SHROOM3: variants seen among roughly 807,000 people sequenced by gnomAD.
SHROOM3 encodes the protein protein Shroom3.
In SHROOM3, 47 loss-of-function variants were observed where a neutral mutation model predicts 138.6. The observed-to-expected ratio is 0.34, with a 90% confidence interval of 0.27 to 0.43. The LOEUF is 0.43. Among genes scored for constraint, SHROOM3 ranks in the 20% least tolerant of loss-of-function variants. SHROOM3 has a pLI of 1.00. For missense variants in SHROOM3, 2,491 were observed against 2,596.5 expected, an observed-to-expected ratio of 0.96 and a Z score of 0.88; for synonymous variants, 1,062 against 1,063.3, an observed-to-expected ratio of 1.00 and a Z score of 0.02.
intron 10 of SHROOM3, among the ~76,000 whole-genome samples, chr4:76,775,742 T>G (rs1019818179): frequency 2.7e-5 from 4 of 145,700 alleles, no homozygotes; most frequent in Non-Finnish European, 5.9e-5. Context: ...ATACACATAC[T>G]ATATATATAC....
intron 1 of SHROOM3, among the ~76,000 whole-genome samples, chr4:76,465,128 T>C (rs1272201754): frequency 1.3e-5 from 2 of 152,254 alleles, no homozygotes; most frequent in Non-Finnish European, 2.9e-5. Flanking sequence ...ACTTGAATCA[T>C]ATTAGCAAGT....
Position 76,756,844 on chromosome 4 carries a change from T to G in SHROOM3, c.5105T>G (p.Leu1702Trp). 6.2e-7 allele frequency: 1 copy of G among 1,614,160 alleles called. No individual in the cohort carries two copies. Among genetic ancestry groups the G allele is most frequent in the Non-Finnish European group, 8.5e-7 (1 of 1,180,030 alleles). ...ACAACAATGGACCTGATGGAAGGTTTGTTTCCCCGAGATGTGAACTTGCTG... is the reference window on the plus strand; with the variant it reads ...ACAACAATGGACCTGATGGAAGGTTGGTTTCCCCGAGATGTGAACTTGCTG... ...LKTTMDLMEG[L>W]FPRDVNLLKE... is the part of the protein sequence containing the mutation. Residue 1702 changes from leucine to tryptophan, a missense_variant, in exon 8 of 11, where the codon TTG (leucine) becomes TGG (tryptophan). By Grantham distance (61) the Leu-to-Trp change is moderately conservative. Around this residue, in one of 4 missense-constraint regions of SHROOM3, gnomAD observed 470 missense variants for 595.0 expected, o/e 0.79. Coordinates refer to ENST00000296043, the MANE Select transcript of SHROOM3 (RefSeq NM_020859.4).
chr4:76,761,784 T>C (rs1267154154), intron 9 of SHROOM3, among the ~76,000 whole-genome samples: 1 of 152,086 alleles, frequency 6.6e-6, no homozygotes, highest in Admixed American at 6.5e-5. Context: ...GGAGTGCCTT[T>C]TGGGGGAGTC....
intron 1 of SHROOM3, among the ~76,000 whole-genome samples, chr4:76,478,648 T>C (rs562938608): frequency 6.6e-6 from 1 of 152,264 alleles, no homozygotes; most frequent in East Asian, 1.9e-4. Context: ...GACTGCCTCC[T>C]CAAGTGGGTT....
At chr4:76,532,506 G>T (rs34816044) in intron 1 of SHROOM3, among the ~76,000 whole-genome samples, 18,602 of 152,102 alleles carry the variant, frequency 0.12, 1,639 homozygotes, top group African/African-American at 0.25. Context: ...GACCCCCATT[G>T]GGTGCCAGAA....
intron 6 of SHROOM3, among the ~76,000 whole-genome samples, chr4:76,751,476 A>G (rs1254458467): frequency 6.6e-6 from 1 of 152,232 alleles, no homozygotes; most frequent in Non-Finnish European, 1.5e-5. Context: ...TGATGCCTTC[A>G]TGGGTCACAA....
At chr4:76,608,473 C>G (rs763799785) in intron 2 of SHROOM3, among the ~76,000 whole-genome samples, 1 of 151,764 alleles carries the variant, frequency 6.6e-6, no homozygotes, top group Non-Finnish European at 1.5e-5. Flanking sequence ...AGTCCATTGG[C>G]CTGGTCATTA....
chr4:76,558,246 A>G (rs903379515), intron 2 of SHROOM3, among the ~76,000 whole-genome samples: 1 of 152,188 alleles, frequency 6.6e-6, no homozygotes, highest in Non-Finnish European at 1.5e-5. Flanking sequence ...TTGGAAACAG[A>G]CAGATATGGG....
At chr4:76,576,332 A>T (rs571648293) in intron 2 of SHROOM3, among the ~76,000 whole-genome samples, 18 of 152,338 alleles carry the variant, frequency 1.2e-4, no homozygotes, top group African/African-American at 4.1e-4. Flanking sequence ...AAAAAATGAG[A>T]TCCTGCCATT....
intron 2 of SHROOM3, among the ~76,000 whole-genome samples, chr4:76,697,675 G>A (rs1232981351): frequency 2.0e-5 from 3 of 152,118 alleles, no homozygotes; most frequent in Admixed American, 6.6e-5. Flanking sequence ...CATTTCAGAG[G>A]GTTGCTGTAA....
rs1722723585 is a variant in SHROOM3 at position 76,781,084 on chromosome 4, A to C, written c.*1907A>C. 1 of 152,090 alleles carries C rather than the reference A, an allele frequency of 6.6e-6. No individual in the cohort carries two copies. Among genetic ancestry groups the C allele is most frequent in the African/African-American group, 2.4e-5 (1 of 41,416 alleles). 9.4% of individuals were successfully genotyped at this position (152,090 alleles called of 1,614,324 possible). A position where few individuals can be genotyped will look rare whatever the true frequency, so the allele number is the denominator to read the frequency against. On this transcript the variant is annotated 3_prime_UTR_variant, in exon 11 of 11. Transcript: ENST00000296043. ...CTCTTCGAGATGACCATTTTTCGGG[A>C]TTTGACTGGGGAACATTTTACATAT...
At chr4:76,496,864 G>A (rs561432600) in intron 1 of SHROOM3, among the ~76,000 whole-genome samples, 1 of 152,128 alleles carries the variant, frequency 6.6e-6, no homozygotes, top group South Asian at 2.1e-4. Context: ...TACTCTCAAA[G>A]CACCTTATTC....
intron 1 of SHROOM3, among the ~76,000 whole-genome samples, chr4:76,444,996 C>T (rs372587170): frequency 6.6e-6 from 1 of 151,380 alleles, no homozygotes; most frequent in African/African-American, 2.4e-5. Context: ...ACTCAGGAGG[C>T]TGAGGTGGGA....
intron 1 of SHROOM3, among the ~76,000 whole-genome samples, chr4:76,535,947 A>G (rs1182709412): frequency 6.6e-6 from 1 of 152,214 alleles, no homozygotes; most frequent in Non-Finnish European, 1.5e-5. Context: ...GGAGCTGATA[A>G]TTGAAAGATA....
At chr4:76,506,025 C>T (rs1732203177) in intron 1 of SHROOM3, among the ~76,000 whole-genome samples, 1 of 152,032 alleles carries the variant, frequency 6.6e-6, no homozygotes, top group Non-Finnish European at 1.5e-5. Flanking sequence ...ACATATACAC[C>T]ATAGAATACT....
intron 2 of SHROOM3, among the ~76,000 whole-genome samples, chr4:76,707,327 G>A (rs1720086873): frequency 6.6e-6 from 1 of 152,202 alleles, no homozygotes; most frequent in African/African-American, 2.4e-5. Context: ...TGTGGTTTGA[G>A]CAAATTTACA....
intron 1 of SHROOM3, among the ~76,000 whole-genome samples, chr4:76,548,952 T>C (rs1329720960): frequency 6.6e-6 from 1 of 151,678 alleles, no homozygotes; most frequent in African/African-American, 2.4e-5. Flanking sequence ...GTAAGTTCCA[T>C]GCAGGTGAAC....
At chr4:76,509,756 T>A (rs569646454) in intron 1 of SHROOM3, 2 of 152,292 alleles carry the variant, frequency 1.3e-5, no homozygotes, top group South Asian at 4.1e-4. Context: ...ACTCTCAGAC[T>A]CTTTAAATAC....
chr4:76,709,755 A>ATCTC, intron 2 of SHROOM3: 2 of 275,224 alleles, frequency 7.3e-6, no homozygotes, highest in Admixed American at 1.0e-4. Flanking sequence ...GAGGTGGCAG[A>ATCTC]GGCTTGGTTT....
Sources: gnomAD v4.1 joint callset for allele counts (sites outside exome capture counted in the v4.1 genomes callset) on GRCh38, gnomAD v4.1.1 for gene constraint, gnomAD v4.1.1 regional missense constraint, MANE v1.5 for transcripts, NCBI Gene and HGNC (gene_info 2026-07-23, HGNC 2026-07-21) for gene names.